The following ANKRD31 variants were observed in gnomAD, a reference collection of about 807,000 sequenced individuals.
ANKRD31 encodes ankyrin repeat domain-containing protein 31.
In ANKRD31, 147 loss-of-function variants were observed where a neutral mutation model predicts 186.0. The observed-to-expected ratio is 0.79, with a 90% CI of 0.69 to 0.91. The LOEUF (loss-of-function observed/expected upper bound fraction) is 0.91. Among genes scored for constraint, ANKRD31 ranks in the 40% least tolerant of loss-of-function variants. The probability of loss-of-function intolerance (pLI) is 0.00; values close to 1 mark genes in which losing one functional copy is unlikely to be tolerated. For synonymous variants in ANKRD31, 673 were observed against 736.4 expected, an observed-to-expected ratio of 0.91 and a Z score of 1.39; for missense variants, 1,986 against 2,148.8, an observed-to-expected ratio of 0.92 and a Z score of 1.50.
At chr5:75,130,876 A>T (rs1749737488) in intron 17 of ANKRD31, among the ~76,000 whole-genome samples, 1 of 152,202 alleles carries the variant, frequency 6.6e-6, no homozygotes. Flanking sequence ...TCACCACGGG[A>T]CTTTGCAGCA....
intron 24 of ANKRD31, among the ~76,000 whole-genome samples, chr5:75,083,748 G>T (rs1321659443): frequency 2.6e-5 from 4 of 151,676 alleles, no homozygotes; most frequent in African/African-American, 9.7e-5. Context: ...AAAAAAAGTT[G>T]GGGGGGAAGC....
intron 2 of ANKRD31, among the ~76,000 whole-genome samples, chr5:75,222,601 C>A (rs963713644): frequency 1.3e-4 from 20 of 152,080 alleles, no homozygotes; most frequent in African/African-American, 4.8e-4. Context: ...TCTCTCCCCT[C>A]ACCCCCCAAC....
At chr5:75,196,631 T>C (rs1014105880) in intron 6 of ANKRD31, among the ~76,000 whole-genome samples, 7 of 152,184 alleles carry the variant, frequency 4.6e-5, no homozygotes, top group Non-Finnish European at 1.0e-4. Context: ...AATTTCACCT[T>C]CTTTTTGTTC....
chr5:75,188,235 T>C (rs1203330514), intron 10 of ANKRD31, among the ~76,000 whole-genome samples: 1 of 152,066 alleles, frequency 6.6e-6, no homozygotes. Context: ...CCAGGTACCT[T>C]CTGGATGCCA....
At position 75,193,172 on chromosome 5, in the gene ANKRD31, A is replaced by G. The variant is rs1305114331; in HGVS notation, c.1298+139T>C. ...TGGTATGGCACTGATCAAAAACTGC[A>G]AAATAAAAAAGCAATAATATAAAAA... On this transcript the variant is annotated intron_variant, in intron 8 of 25. Coordinates refer to ENST00000506364, the MANE Select transcript of ANKRD31 (RefSeq NM_001372053.1). 1.3e-5 allele frequency: 14 copies of G among 1,097,746 alleles called. No individual in the cohort carries two copies. In the African/African-American group the frequency reaches 1.6e-4, roughly 13 times the overall value. The allele number at this position is 1,097,746 out of a possible 1,614,324, so 68.0% of individuals were successfully genotyped here.
chr5:75,215,193 C>T (rs6895538), intron 3 of ANKRD31, among the ~76,000 whole-genome samples: 7,294 of 152,190 alleles, frequency 0.048, 375 homozygotes, highest in African/African-American at 0.13. Context: ...TTCTCTCTTG[C>T]GGGGAGAGGC....
intron 11 of ANKRD31, among the ~76,000 whole-genome samples, chr5:75,155,615 G>T (rs1259723987): frequency 9.2e-5 from 14 of 152,126 alleles, no homozygotes; most frequent in Admixed American, 8.5e-4. Flanking sequence ...TGAATGTAGG[G>T]CAGGAAGGAT....
Position 75,186,710 on chromosome 5 carries a change from T to C in ANKRD31, c.1564+1783A>G, listed in dbSNP as rs567226255. ...GAATTATTGCTCTTTCTGAGCTCCC[T>C]GCAATTTGTTTTTTAATCAAAGACA... On this transcript the variant is annotated intron_variant, in intron 10 of 25. Transcript: ENST00000506364. Among the ~76,000 whole-genome samples, 3 of 152,302 alleles carry C rather than the reference T, an allele frequency of 2.0e-5. No individual in the cohort carries two copies. The East Asian group carries it at 5.8e-4, about 29-fold the overall frequency.
intron 17 of ANKRD31, among the ~76,000 whole-genome samples, chr5:75,136,314 C>T (rs1181773018): frequency 6.6e-6 from 1 of 151,972 alleles, no homozygotes; most frequent in Non-Finnish European, 1.5e-5. Context: ...AACAAATTTA[C>T]AAGAAAAAAT....
intron 17 of ANKRD31, among the ~76,000 whole-genome samples, chr5:75,132,074 A>G (rs921872403): frequency 6.6e-6 from 1 of 152,258 alleles, no homozygotes; most frequent in Non-Finnish European, 1.5e-5. Context: ...CAGAGCAGAA[A>G]AGCTGAAAAT....
chr5:75,197,127 C>T (rs1755521623), intron 6 of ANKRD31, among the ~76,000 whole-genome samples: 1 of 152,138 alleles, frequency 6.6e-6, no homozygotes, highest in African/African-American at 2.4e-5. Flanking sequence ...GTCTCAATCT[C>T]CTGACCTCAG....
intron 22 of ANKRD31, among the ~76,000 whole-genome samples, chr5:75,101,043 T>G (rs1342977568): frequency 6.6e-6 from 1 of 152,148 alleles, no homozygotes; most frequent in Non-Finnish European, 1.5e-5. Context: ...GTTTGGCATG[T>G]TTTTTGCAGT....
In ANKRD31 at chr5:75,146,942, G is replaced by A; in HGVS notation, c.2469C>T (p.Cys823=). 6.5e-7 allele frequency: 1 copy of A among 1,536,282 alleles called. No individual in the cohort carries two copies. Among genetic ancestry groups the A allele is most frequent in the East Asian group, 2.4e-5 (1 of 40,872 alleles). The stretch of plus-strand genomic sequence containing the variant: ...TTTGGTCAACAGATTCTAATTCCAA[G>A]CATTGAACTTCTTGACTATCTGATA... ...LDLSDSQEVQ[C]LELESVDQTE... The change falls in exon 14 of 26, where the codon TGC becomes TGT. Residue 823 remains cysteine (C), a synonymous_variant. Coordinates refer to ENST00000506364, the MANE Select transcript of ANKRD31 (RefSeq NM_001372053.1).
At chr5:75,093,716 G>A (rs1746111972) in intron 22 of ANKRD31, among the ~76,000 whole-genome samples, 1 of 152,148 alleles carries the variant, frequency 6.6e-6, no homozygotes, top group Non-Finnish European at 1.5e-5. Flanking sequence ...ATCAAACAAT[G>A]GAGGCCAGAG....
At chr5:75,172,365 TA>T (rs35258134) in intron 10 of ANKRD31, among the ~76,000 whole-genome samples, 32,742 of 145,338 alleles carry the variant, frequency 0.23, 5,134 homozygotes, top group African/African-American at 0.46. Flanking sequence ...AAACTCTATT[TA>T]AAAAAAAAAA....
chr5:75,203,639 G>T (rs992960607), intron 5 of ANKRD31, among the ~76,000 whole-genome samples: 3 of 147,288 alleles, frequency 2.0e-5, no homozygotes, highest in Non-Finnish European at 4.5e-5. Context: ...CTCCAGCCTG[G>T]GCGAAAGAGA....
intron 25 of ANKRD31, among the ~76,000 whole-genome samples, chr5:75,071,742 C>A (rs1744246739): frequency 6.6e-6 from 1 of 152,066 alleles, no homozygotes; most frequent in African/African-American, 2.4e-5. Context: ...AGGTGATCTG[C>A]CCACCTCGGC....
intron 25 of ANKRD31, among the ~76,000 whole-genome samples, chr5:75,078,736 C>T (rs1467779545): frequency 2.0e-5 from 3 of 152,150 alleles, no homozygotes; most frequent in Non-Finnish European, 4.4e-5. Flanking sequence ...TCAATACATC[C>T]ATACCTAGTG....
intron 5 of ANKRD31, among the ~76,000 whole-genome samples, chr5:75,201,163 G>C (rs1008054480): frequency 8.5e-5 from 13 of 152,054 alleles, no homozygotes; most frequent in Admixed American, 8.5e-4. Context: ...CATCCTAAAA[G>C]ATAATAATAA....
Sources: gnomAD v4.1 joint callset for allele counts (sites outside exome capture counted in the v4.1 genomes callset) on GRCh38, gnomAD v4.1.1 for gene constraint, MANE v1.5 for transcripts, NCBI Gene and HGNC (gene_info 2026-07-23, HGNC 2026-07-21) for gene names.